RETREG1: variants seen among roughly 807,000 people sequenced by gnomAD.
The protein encoded by RETREG1 is reticulophagy regulator 1, also known as family with sequence similarity 134 member B.
Under a neutral mutation model 54.8 loss-of-function variants are expected in RETREG1, and 44 were observed. The ratio of observed to expected loss-of-function variants is 0.80; its 90% CI spans 0.63 to 1.03. The LOEUF is 1.03. Among genes scored for constraint, RETREG1 ranks in the 50% least tolerant of loss-of-function variants. RETREG1 has a pLI of 0.00. For synonymous variants in RETREG1, 217 were observed against 238.5 expected (o/e 0.91, Z 0.83); for missense variants, 554 against 605.1 (o/e 0.92, Z 0.89).
At chr5:16,494,072 T>G (rs528012862) in intron 3 of RETREG1, among the ~76,000 whole-genome samples, 1 of 152,334 alleles carries the variant, frequency 6.6e-6, no homozygotes, top group African/African-American at 2.4e-5. Context: ...CTCTCATTTA[T>G]GTTCACATAA....
rs567393249 is a variant in RETREG1 at position 16,593,682 on chromosome 5, A to G, written c.321-21580T>C. ...GGCCCTTGGATATCTGCTTAGACAA[A>G]TCTTATTTCTTCTCTTTCAGAAGAC... is the stretch of plus-strand genomic sequence containing the variant. On this transcript the variant is annotated intron_variant, in intron 1 of 8. Coordinates refer to ENST00000306320, the MANE Select transcript of RETREG1 (RefSeq NM_001034850.3). The surrounding 1 kb of genome is among the most constrained non-coding windows in gnomAD (Gnocchi z 4.9). Among the ~76,000 whole-genome samples, 1 of 152,326 alleles carries G rather than the reference A, an allele frequency of 6.6e-6. No individual in the cohort carries two copies. The highest frequency in any genetic ancestry group is 2.4e-5 in the African/African-American group (1 of 41,578).
At chr5:16,506,766 A>G (rs541984062) in intron 3 of RETREG1, among the ~76,000 whole-genome samples, 27 of 152,360 alleles carry the variant, frequency 1.8e-4, no homozygotes, top group African/African-American at 6.3e-4. Context: ...AGATAGGGAA[A>G]AAACAAATGT....
chr5:16,497,490 C>G (rs1233729014), intron 3 of RETREG1, among the ~76,000 whole-genome samples: 5 of 152,196 alleles, frequency 3.3e-5, no homozygotes, highest in Non-Finnish European at 5.9e-5. Context: ...AGCAGTTAAC[C>G]TGGGCTTTAG....
At chr5:16,546,585 G>A (rs1425793917) in intron 3 of RETREG1, among the ~76,000 whole-genome samples, 1 of 152,210 alleles carries the variant, frequency 6.6e-6, no homozygotes, top group Non-Finnish European at 1.5e-5. Context: ...CTTATAACAG[G>A]TGGTTAGAAA....
intron 3 of RETREG1, among the ~76,000 whole-genome samples, chr5:16,491,235 G>A (rs1314213293): frequency 6.6e-6 from 1 of 152,202 alleles, no homozygotes; most frequent in Non-Finnish European, 1.5e-5. Flanking sequence ...AACTGAGGCT[G>A]AAAAGGGCTT....
At chr5:16,536,641 T>C (rs1741083427) in intron 3 of RETREG1, among the ~76,000 whole-genome samples, 2 of 152,040 alleles carry the variant, frequency 1.3e-5, no homozygotes, top group Admixed American at 1.3e-4. Flanking sequence ...CCTCATCCCA[T>C]CCAACAGGAA....
In RETREG1 at chr5:16,593,154, C is replaced by CA. The variant is rs933182056; in HGVS notation, c.321-21053dup. Among the ~76,000 whole-genome samples, 3 of 152,178 alleles carry CA rather than the reference C, an allele frequency of 2.0e-5. No individual in the cohort carries two copies. Among genetic ancestry groups the CA allele is most frequent in the Non-Finnish European group, 4.4e-5 (3 of 68,024 alleles). On this transcript the variant is annotated intron_variant, in intron 1 of 8. Transcript: ENST00000306320. This position sits in a 1 kb window ranked among gnomAD's most constrained non-coding sequence, Gnocchi z 4.9. ...CTCACCATCCCATGCCCAGTGGTCA[C>CA]ACTCAGCAAGGAAAACTCCACCCAG...
At chr5:16,524,372 T>C (rs1740632796) in intron 3 of RETREG1, among the ~76,000 whole-genome samples, 1 of 152,204 alleles carries the variant, frequency 6.6e-6, no homozygotes, top group Non-Finnish European at 1.5e-5. Flanking sequence ...TTAAACCACA[T>C]CCAGATTTCC....
chr5:16,547,605 C>T (rs1408196393), intron 3 of RETREG1, among the ~76,000 whole-genome samples: 1 of 152,116 alleles, frequency 6.6e-6, no homozygotes, highest in East Asian at 1.9e-4. Context: ...TGAGACTTTG[C>T]CAAAGAATAT....
At chr5:16,571,601 C>T (rs546340612) in intron 2 of RETREG1, among the ~76,000 whole-genome samples, 8 of 151,916 alleles carry the variant, frequency 5.3e-5, no homozygotes, top group South Asian at 2.1e-4. Context: ...ATTTAACCAT[C>T]GCTTGCTTTT....
chr5:16,524,025 A>G (rs1031706281), intron 3 of RETREG1, among the ~76,000 whole-genome samples: 1 of 152,148 alleles, frequency 6.6e-6, no homozygotes, highest in Non-Finnish European at 1.5e-5. Flanking sequence ...CAACTGGTCC[A>G]ACCCTGCCCC....
chr5:16,596,604 T>C (rs970847852), intron 1 of RETREG1, among the ~76,000 whole-genome samples: 2 of 152,214 alleles, frequency 1.3e-5, no homozygotes, highest in African/African-American at 4.8e-5. Context: ...TCTCTTTTCA[T>C]TCAGTTAAGC....
chr5:16,487,086 T>G (rs548409697), intron 3 of RETREG1, among the ~76,000 whole-genome samples: 164 of 152,302 alleles, frequency 1.1e-3, no homozygotes, highest in Middle Eastern at 3.4e-3. Context: ...TCCTTGGCAC[T>G]GATCACCATG....
At chr5:16,479,091 G>GT (rs1200913492) in intron 5 of RETREG1, 104 bp from the exon 6 acceptor site, 36 of 1,118,838 alleles carry the variant, frequency 3.2e-5, no homozygotes, top group South Asian at 8.4e-5. Context: ...AAAAACTTAA[G>GT]TTTTTTTAAG....
rs143862410 is a variant in RETREG1, at chr5:16,535,969, G to A, written c.458+29794C>T. On this transcript the variant is annotated intron_variant, in intron 3 of 8. Transcript: ENST00000306320. Reference sequence around the variant, plus strand: ...AAAGTGGGAGCTGGGGTTCCTGTGTGCACGCTGCCTTCACGAAGTGGGAGC... The same window carrying A: ...AAAGTGGGAGCTGGGGTTCCTGTGTACACGCTGCCTTCACGAAGTGGGAGC... Among the ~76,000 whole-genome samples, 899 of 146,860 alleles carry A rather than the reference G, an allele frequency of 6.1e-3. 5 individuals carry two copies. Among genetic ancestry groups the A allele is most frequent in the African/African-American group, 0.021 (833 of 39,942 alleles).
At chr5:16,568,733 A>G (rs1742090721) in intron 2 of RETREG1, among the ~76,000 whole-genome samples, 1 of 152,208 alleles carries the variant, frequency 6.6e-6, no homozygotes, top group Non-Finnish European at 1.5e-5. Context: ...ATGGGAACAG[A>G]GTTGCAGTCA....
intron 3 of RETREG1, among the ~76,000 whole-genome samples, chr5:16,553,596 C>A (rs1397977410): frequency 6.6e-6 from 1 of 151,758 alleles, no homozygotes; most frequent in Non-Finnish European, 1.5e-5. Flanking sequence ...TATGAATATT[C>A]ATATTTCATT....
chr5:16,566,591 G>A (rs1742020571), intron 2 of RETREG1, among the ~76,000 whole-genome samples: 1 of 152,184 alleles, frequency 6.6e-6, no homozygotes, highest in Admixed American at 6.5e-5. Context: ...CCCCTATCGA[G>A]AGCTATGGGA....
intron 1 of RETREG1, among the ~76,000 whole-genome samples, chr5:16,599,181 TG>T (rs1282913903): frequency 6.6e-6 from 1 of 152,178 alleles, no homozygotes; most frequent in African/African-American, 2.4e-5. Flanking sequence ...CACTCCGGCC[TG>T]GGCAACAGAG....
Sources: allele counts gnomAD v4.1 joint callset (sites outside exome capture counted in the v4.1 genomes callset), GRCh38; gene constraint gnomAD v4.1.1; non-coding constraint Gnocchi (gnomAD v3.1); transcripts MANE v1.5; gene names NCBI Gene and HGNC (gene_info 2026-07-23, HGNC 2026-07-21).